MRGBP: variants seen among roughly 807,000 people sequenced by gnomAD.
MRGBP encodes the protein MRG domain binding protein, also known as MRG/MORF4L-binding protein.
Under a neutral mutation model 21.5 loss-of-function variants are expected in MRGBP, and 5 were observed. That is an observed-to-expected ratio of 0.23 (90% CI 0.12 to 0.49). The LOEUF (loss-of-function observed/expected upper bound fraction) is 0.49. MRGBP is among the 20% of genes least tolerant of loss of function. The pLI, the probability that MRGBP is intolerant of heterozygous loss-of-function variation, is 0.98. For missense variants in MRGBP, 227 were observed against 277.4 expected, an observed-to-expected ratio of 0.82 and a Z score of 1.29; for synonymous variants, 118 against 104.4, an observed-to-expected ratio of 1.13 and a Z score of -0.79.
chr20:62,800,287 CTA>C lies in MRGBP; in HGVS notation c.*646_*647del, dbSNP rs1452993432. ...TGTATATAATTTGGTTGGTATTTCA[CTA>C]TTTAATTTTTAAGAAGCCTATTTTA... On this transcript the variant is annotated 3_prime_UTR_variant, in exon 5 of 5. Coordinates refer to ENST00000370487, the MANE Select transcript of MRGBP (RefSeq NM_018270.6). 6.6e-6 allele frequency: 1 copy of C among 152,470 alleles called. No individual in the cohort carries two copies. Among genetic ancestry groups the C allele is most frequent in the Non-Finnish European group, 1.5e-5 (1 of 68,032 alleles). The allele number at this position is 152,470 out of a possible 1,614,324, so 9.4% of individuals were successfully genotyped here. A position where few individuals can be genotyped will look rare whatever the true frequency, so the allele number is the denominator to read the frequency against.
In MRGBP at chr20:62,796,486, C is replaced by T; in HGVS notation, c.-38C>T. 9.0e-7 allele frequency: 1 copy of T among 1,108,578 alleles called. No individual in the cohort carries two copies. The allele number at this position is 1,108,578 out of a possible 1,614,324, so 68.7% of individuals were successfully genotyped here. On this transcript the variant is annotated 5_prime_UTR_variant, in exon 1 of 5. Coordinates refer to ENST00000370487, the MANE Select transcript of MRGBP (RefSeq NM_018270.6). The stretch of plus-strand genomic sequence containing the variant: ...TGCGCGGAGCTCGTGGCCGCGCCTG[C>T]TCCCGCCGGGGGCTCCTTGCTCGGC...
In MRGBP at chr20:62,798,691, C is replaced by G. The variant is rs1179711675; in HGVS notation, c.352+23C>G. 4 of 1,612,112 alleles carry G rather than the reference C, an allele frequency of 2.5e-6. No homozygotes were observed. In the South Asian group the frequency reaches 4.4e-5, roughly 18 times the overall value. ...AAGGTGAGGCTCGGGAAAGGTTGGG[C>G]TTGGGATTCAGAAAAGGCCAGACCC... On this transcript the variant is annotated intron_variant, in intron 3 of 4. Transcript: ENST00000370487.
rs201989646 is a variant in MRGBP at position 62,798,575 on chromosome 20, A to G, written c.271-12A>G. On this transcript the variant is annotated splice_polypyrimidine_tract_variant and intron_variant, in intron 2 of 4. Coordinates refer to ENST00000370487, the MANE Select transcript of MRGBP (RefSeq NM_018270.6). The stretch of plus-strand genomic sequence containing the variant: ...CCTTGTTTCTTAAACAAAACTCTCT[A>G]TTTGATATCAGCATGAGTCTGAGAT... The G allele has an allele frequency of 2.5e-6, 4 of 1,609,296 alleles. No individual in the cohort carries two copies. The highest frequency in any genetic ancestry group is 2.2e-5 in the East Asian group (1 of 44,838).
chr20:62,799,129 G>A, intron 4 of MRGBP, 80 bp downstream of exon 4: 1 of 1,460,308 alleles, frequency 6.8e-7, no homozygotes, highest in Non-Finnish European at 9.4e-7. Context: ...GCACAGTCAG[G>A]TGGGCGTAGA....
In MRGBP at chr20:62,798,127, G is replaced by A. The variant is rs544155217; in HGVS notation, c.271-460G>A. The stretch of plus-strand genomic sequence containing the variant: ...TGTGGCGCTCCCAACCGACACCCTC[G>A]GTGTCCATGGGCTCCTGCCACGTGG... On this transcript the variant is annotated intron_variant, in intron 2 of 4. Transcript: ENST00000370487. Among the ~76,000 whole-genome samples the A allele has an allele frequency of 7.2e-5, 11 of 152,322 alleles. No homozygotes were observed. The East Asian group carries it at 1.7e-3, about 24-fold the overall frequency.
chr20:62,798,478 A>G, intron 2 of MRGBP, 109 bp from the exon 3 acceptor site: 1 of 861,850 alleles, frequency 1.2e-6, no homozygotes, highest in Non-Finnish European at 2.0e-6. Context: ...CAACACAGTG[A>G]TGTGTGCTCA....
At position 62,797,123 on chromosome 20, in the gene MRGBP, C is replaced by G. The variant is rs933948179; in HGVS notation, c.162C>G (p.His54Gln). The G allele has an allele frequency of 6.2e-6, 10 of 1,605,248 alleles. No homozygotes were observed. The highest frequency in any genetic ancestry group is 1.4e-5 in the African/African-American group (1 of 73,902). ...TCCTCCCCTCAGGTGTGAACCGACACTTCCACATGATTTGTATTCGGGACA... is the reference window on the plus strand; with the variant it reads ...TCCTCCCCTCAGGTGTGAACCGACAGTTCCACATGATTTGTATTCGGGACA... ...LGHKPVGVNR[H>Q]FHMICIRDKF... The change falls in exon 2 of 5, where the codon CAC (histidine) becomes CAG (glutamine). Residue 54 changes from histidine (H) to glutamine (Q), a missense_variant. Physicochemically the swap from His to Gln is conservative, Grantham distance 24 (BLOSUM62 0). Coordinates refer to ENST00000370487, the MANE Select transcript of MRGBP (RefSeq NM_018270.6).
intron 2 of MRGBP, 55 bp downstream of exon 2, chr20:62,797,286 GCTCT>G (rs1176319204): frequency 5.4e-6 from 8 of 1,493,502 alleles, no homozygotes; most frequent in Non-Finnish European, 7.1e-6. Flanking sequence ...CCCGCACACC[GCTCT>G]CTGAGAGTCA....
chr20:62,796,534 C>T lies in MRGBP; in HGVS notation c.11C>T (p.Ala4Val), dbSNP rs1167501056. The T allele has an allele frequency of 8.5e-6, 10 of 1,174,360 alleles. No individual in the cohort carries two copies. The East Asian group carries it at 3.9e-4, about 46-fold the overall frequency. 72.7% of individuals were successfully genotyped at this position (1,174,360 alleles called of 1,614,324 possible). The change falls in exon 1 of 5, where the codon GCC (alanine) becomes GTC (valine). Residue 4 changes from alanine (A) to valine (V), a missense_variant. By Grantham distance (64) the Ala-to-Val change is moderately conservative. This residue lies in a region of MRGBP where 65 missense variants were observed against 49.7 expected (regional missense o/e 1.31). Transcript: ENST00000370487. ...GGCCGGGCCGCGGCCATGGGAGAGGCCGAGGTGGGCGGCGGGGGCGCCGCA... is the reference window on the plus strand; with the variant it reads ...GGCCGGGCCGCGGCCATGGGAGAGGTCGAGGTGGGCGGCGGGGGCGCCGCA... MGE[A>V]EVGGGGAAGD...
Position 62,801,298 on chromosome 20 carries a change from G to A in MRGBP, c.*1655G>A, listed in dbSNP as rs1479810709. ...GCCGGGACAAATCCACAGCCCTGCA[G>A]TAACAGCCTGCCACAAAGAGCAGGC... is the stretch of plus-strand genomic sequence containing the variant. On this transcript the variant is annotated 3_prime_UTR_variant, in exon 5 of 5. Transcript: ENST00000370487. The A allele has an allele frequency of 6.6e-6, 1 of 152,276 alleles. No individual in the cohort carries two copies. The highest frequency in any genetic ancestry group is 1.5e-5 in the Non-Finnish European group (1 of 68,078). The allele number at this position is 152,276 out of a possible 1,614,324, so 9.4% of individuals were successfully genotyped here.
intron 4 of MRGBP, 67 bp from the exon 5 acceptor site, chr20:62,799,389 T>C (rs1204919109): frequency 1.2e-5 from 19 of 1,528,236 alleles, no homozygotes; most frequent in Non-Finnish European, 1.6e-5. Flanking sequence ...TTTTTTTAAC[T>C]GAACAGGAAG....
rs1258986487 is a variant in MRGBP, at chr20:62,796,803, C to T, written c.148+132C>T. On this transcript the variant is annotated intron_variant, in intron 1 of 4. Coordinates refer to ENST00000370487, the MANE Select transcript of MRGBP (RefSeq NM_018270.6). Reference sequence around the variant, plus strand: ...CGGGCCGTGACACCGCCGCCACACCCGTCCCGGGACCCCCGCCCCCTCCCA... The same window carrying T: ...CGGGCCGTGACACCGCCGCCACACCTGTCCCGGGACCCCCGCCCCCTCCCA... 1.4e-4 allele frequency: 133 copies of T among 936,268 alleles called. 1 individual carries two copies. The highest frequency in any genetic ancestry group is 1.7e-4 in the Non-Finnish European group (125 of 750,526). The allele number at this position is 936,268 out of a possible 1,614,324, so 58.0% of individuals were successfully genotyped here.
Position 62,798,587 on chromosome 20 carries a change from C to T in MRGBP, c.271C>T (p.His91Tyr). Residue 91 changes from histidine (H) to tyrosine (Y), a missense_variant and splice_region_variant, in exon 3 of 5, where the codon CAT (histidine) becomes TAT (tyrosine). Physicochemically the swap from His to Tyr is moderately conservative, Grantham distance 83. Transcript: ENST00000370487. The stretch of plus-strand genomic sequence containing the variant: ...AACAAAACTCTCTATTTGATATCAG[C>T]ATGAGTCTGAGATTCTTCCATTCCC... ...LSTMYDMQALHESEILPFPNP... is the reference protein window; with the variant it reads ...LSTMYDMQALYESEILPFPNP... 1.2e-6 allele frequency: 2 copies of T among 1,612,030 alleles called. No homozygotes were observed. The highest frequency in any genetic ancestry group is 1.7e-6 in the Non-Finnish European group (2 of 1,178,340).
chr20:62,799,344 C>A, intron 4 of MRGBP, 112 bp from the exon 5 acceptor site: 1 of 1,222,410 alleles, frequency 8.2e-7, no homozygotes, highest in Non-Finnish European at 1.1e-6. Flanking sequence ...CAGGAGGAAG[C>A]TTTGGGTTCA....
intron 2 of MRGBP, among the ~76,000 whole-genome samples, chr20:62,798,195 C>CA (rs1568731424): frequency 6.6e-6 from 1 of 152,212 alleles, no homozygotes; most frequent in Non-Finnish European, 1.5e-5. Context: ...AGGGCTGTCA[C>CA]TGTGCCCTCT....
Position 62,797,214 on chromosome 20 carries a change from TACG to T in MRGBP, c.256_258del (p.Asp86del). 6.3e-7 allele frequency: 1 copy of T among 1,594,668 alleles called. No homozygotes were observed. The highest frequency in any genetic ancestry group is 8.5e-7 in the Non-Finnish European group (1 of 1,172,014). On this transcript the variant is annotated inframe_deletion, in exon 2 of 5. Coordinates refer to ENST00000370487, the MANE Select transcript of MRGBP (RefSeq NM_018270.6). ...CATCTGGGACCATCTGAGCACCATG[TACG>T]ACATGCAGGCGCTGGTGAGCCCAAC...
Position 62,797,100 on chromosome 20 carries a change from C to G in MRGBP, c.149-10C>G. The G allele has an allele frequency of 6.3e-7, 1 of 1,590,744 alleles. No homozygotes were observed. The highest frequency in any genetic ancestry group is 8.5e-7 in the Non-Finnish European group (1 of 1,170,526). On this transcript the variant is annotated splice_polypyrimidine_tract_variant and intron_variant, in intron 1 of 4. Transcript: ENST00000370487. Reference sequence around the variant, plus strand: ...CTCACCGGTTATCCCGCCGCCCCTCCTCCCCTCAGGTGTGAACCGACACTT... The same window carrying G: ...CTCACCGGTTATCCCGCCGCCCCTCGTCCCCTCAGGTGTGAACCGACACTT...
intron 1 of MRGBP, 28 bp downstream of exon 1, chr20:62,796,699 G>T: frequency 3.2e-6 from 4 of 1,265,456 alleles, no homozygotes; most frequent in Non-Finnish European, 4.0e-6. Context: ...GGACGCGCGT[G>T]GGGGCGGGGC....
intron 3 of MRGBP, 119 bp downstream of exon 3, chr20:62,798,787 C>A (rs1600764753): frequency 1.3e-6 from 2 of 1,580,328 alleles, no homozygotes; most frequent in East Asian, 4.5e-5. Flanking sequence ...AGCGCAGACC[C>A]CGCCCTACCT....
Sources: gnomAD v4.1 joint callset for allele counts (sites outside exome capture counted in the v4.1 genomes callset) on GRCh38, gnomAD v4.1.1 for gene constraint, gnomAD v4.1.1 regional missense constraint, MANE v1.5 for transcripts, NCBI Gene and HGNC (gene_info 2026-07-23, HGNC 2026-07-21) for gene names.